Variants in MAMLD1 observed in about 807,000 individuals in gnomAD.
The protein encoded by MAMLD1 is mastermind-like domain-containing protein 1.
In MAMLD1, 14 loss-of-function variants were observed where a neutral mutation model predicts 45.0. The ratio of observed to expected loss-of-function variants is 0.31; its 90% CI spans 0.21 to 0.49. The LOEUF is 0.49. Among genes scored for constraint, MAMLD1 ranks in the 20% least tolerant of loss-of-function variants. The pLI, the probability that MAMLD1 is intolerant of heterozygous loss-of-function variation, is 0.99. For missense variants in MAMLD1, 543 were observed against 603.6 expected (o/e 0.90, Z 1.05); for synonymous variants, 254 against 247.8 (o/e 1.02, Z -0.24).
chrX:150,454,773 C>T (rs182133135), intron 2 of MAMLD1, among the ~76,000 whole-genome samples: 1 of 110,524 alleles, frequency 9.0e-6, no homozygotes, highest in Admixed American at 9.6e-5. Context: ...CACCACTACC[C>T]TCACCTTCAC....
chrX:150,448,900 A>T (rs1416835844), intron 2 of MAMLD1, among the ~76,000 whole-genome samples: 1 of 111,799 alleles, frequency 8.9e-6, no homozygotes, highest in Non-Finnish European at 1.9e-5. Context: ...AGTGGCAAAG[A>T]TTCCTCCAGC....
At chrX:150,478,829 T>C (rs2036662515) in intron 5 of MAMLD1, among the ~76,000 whole-genome samples, 1 of 112,827 alleles carries the variant, frequency 8.9e-6, no homozygotes, top group Non-Finnish European at 1.9e-5. Flanking sequence ...TACCATTCTT[T>C]CTAAATTAAG....
At chrX:150,498,387 G>A (rs1471698921) in intron 5 of MAMLD1, among the ~76,000 whole-genome samples, 1 of 111,418 alleles carries the variant, frequency 9.0e-6, no homozygotes, top group Non-Finnish European at 1.9e-5. Context: ...TTTTGCAGAT[G>A]AGAAAATTAA....
At chrX:150,496,285 C>T (rs1175840357) in intron 5 of MAMLD1, among the ~76,000 whole-genome samples, 5 of 112,297 alleles carry the variant, frequency 4.5e-5, no homozygotes, top group East Asian at 2.8e-4. Flanking sequence ...GTAGTATTTG[C>T]GGTTAAGAGC....
intron 1 of MAMLD1, among the ~76,000 whole-genome samples, chrX:150,367,805 C>CGGTGTTT (rs1430648986): frequency 9.2e-6 from 1 of 108,415 alleles, no homozygotes; most frequent in Non-Finnish European, 1.9e-5. Flanking sequence ...TGAGAACATG[C>CGGTGTTT]GGTGTTTGGT....
intron 1 of MAMLD1, among the ~76,000 whole-genome samples, chrX:150,435,205 T>C (rs2035081275): frequency 8.9e-6 from 1 of 111,764 alleles, no homozygotes; most frequent in African/African-American, 3.3e-5. Context: ...TTAAAGTCTG[T>C]TTTGTCTGAA....
chrX:150,487,569 T>C (rs1402683627), intron 5 of MAMLD1, among the ~76,000 whole-genome samples: 6 of 111,898 alleles, frequency 5.4e-5, no homozygotes, highest in Admixed American at 9.5e-5. Flanking sequence ...CGGGTATTCA[T>C]TGGGTCTTAG....
chrX:150,452,294 G>A (rs189166326), intron 2 of MAMLD1, among the ~76,000 whole-genome samples: 16 of 112,254 alleles, frequency 1.4e-4, no homozygotes, highest in African/African-American at 5.2e-4. Context: ...GATGCCAGCT[G>A]AGCCCTGTCA....
chrX:150,443,228 CTT>C (rs56969373), intron 1 of MAMLD1, among the ~76,000 whole-genome samples: 1,660 of 83,802 alleles, frequency 0.02, 44 homozygotes, highest in African/African-American at 0.07. Flanking sequence ...TCTTTGAATA[CTT>C]TTTTTTTTTT....
At position 150,469,727 on chromosome X, in the gene MAMLD1, C is replaced by A; in HGVS notation, c.172-18C>A. ...CTCCTCTCCTCTCTTCTCCTCTTCT[C>A]TTCTCTTCCATTCACAGGGAACTGT... On this transcript the variant is annotated intron_variant, in intron 3 of 7. Coordinates refer to ENST00000370401, the MANE Select transcript of MAMLD1 (RefSeq NM_005491.5). 8.4e-7 allele frequency: 1 copy of A among 1,195,696 alleles called. No homozygotes were observed. The highest frequency in any genetic ancestry group is 1.8e-5 in the South Asian group (1 of 56,528).
intron 2 of MAMLD1, 144 bp downstream of exon 2, chrX:150,445,756 A>C: frequency 2.0e-6 from 1 of 491,716 alleles, no homozygotes; most frequent in Non-Finnish European, 3.5e-6. Context: ...TGTGATCTAG[A>C]AGAGATCTAG....
chrX:150,470,045 C>T lies in MAMLD1; in HGVS notation c.472C>T (p.Pro158Ser). ...GACTACAGAAGTGGGACTGAAAGGG[C>T]CCACTGTTCCTTACTATGAGAAAAT... ...PQTTEVGLKG[P>S]TVPYYEKINS... is the part of the protein sequence containing the mutation. The change falls in exon 4 of 8, where the codon CCC becomes TCC. Residue 158 changes from proline (P) to serine (S), a missense_variant. By Grantham distance (74) the Pro-to-Ser change is moderately conservative. Coordinates refer to ENST00000370401, the MANE Select transcript of MAMLD1 (RefSeq NM_005491.5). 4.1e-6 allele frequency: 5 copies of T among 1,211,706 alleles called. No homozygotes were observed. Among genetic ancestry groups the T allele is most frequent in the Non-Finnish European group, 5.6e-6 (5 of 895,411 alleles).
intron 4 of MAMLD1, among the ~76,000 whole-genome samples, chrX:150,472,524 AGGCCTC>A (rs1291324562): frequency 8.9e-6 from 1 of 112,152 alleles, no homozygotes; most frequent in African/African-American, 3.2e-5. Context: ...TGTTGGACTG[AGGCCTC>A]GGTTTCTCAT....
intron 5 of MAMLD1, among the ~76,000 whole-genome samples, chrX:150,493,471 C>T (rs1219170748): frequency 8.9e-6 from 1 of 112,024 alleles, no homozygotes; most frequent in Non-Finnish European, 1.9e-5. Flanking sequence ...GGAATCCACA[C>T]CATACATACG....
rs965121945 is a variant in MAMLD1 at position 150,473,095 on chromosome X, C to T, written c.1918-585C>T. Reference sequence around the variant, plus strand: ...CCAGCCTCCTGGGCCCTTCAGCATCCATCAGGCCCTGCCTTGCACTTTGTT... The same window carrying T: ...CCAGCCTCCTGGGCCCTTCAGCATCTATCAGGCCCTGCCTTGCACTTTGTT... On this transcript the variant is annotated intron_variant, in intron 4 of 7. Transcript: ENST00000370401. Among the ~76,000 whole-genome samples, 16 of 112,753 alleles carry T rather than the reference C, an allele frequency of 1.4e-4. No homozygotes were observed. The Admixed American group carries it at 1.5e-3, about 11-fold the overall frequency.
At chrX:150,508,846 G>A (rs2037816315) in intron 6 of MAMLD1, among the ~76,000 whole-genome samples, 1 of 112,170 alleles carries the variant, frequency 8.9e-6, no homozygotes, top group Non-Finnish European at 1.9e-5. Context: ...TGGTTGAGAA[G>A]GGGAGAGAGA....
In MAMLD1 at chrX:150,377,819, T is replaced by TCACACACACACA. The variant is rs3066915; in HGVS notation, c.-64+14316_-64+14327dup. ...ATTCTATGTTATATCTACCACCCCC[T>TCACACACACACA]CACACACACACACACACACACACAC... On this transcript the variant is annotated intron_variant, in intron 1 of 7. Coordinates refer to ENST00000370401, the MANE Select transcript of MAMLD1 (RefSeq NM_005491.5). 6.2e-3 allele frequency among the ~76,000 whole-genome samples: 570 copies of TCACACACACACA among 91,828 alleles called. 5 individuals carry two copies. Among genetic ancestry groups the TCACACACACACA allele is most frequent in the African/African-American group, 0.021 (515 of 25,081 alleles). 79.7% of individuals were successfully genotyped at this position (91,828 alleles called of 115,157 possible).
At chrX:150,387,123 A>G (rs1025857044) in intron 1 of MAMLD1, among the ~76,000 whole-genome samples, 1 of 111,593 alleles carries the variant, frequency 9.0e-6, no homozygotes, top group African/African-American at 3.2e-5. Context: ...TTCAACTTGT[A>G]CCTGTGTTTA....
rs188634483 is a variant in MAMLD1 at position 150,513,347 on chromosome X, A to T, written c.*1388A>T. 1.0e-3 allele frequency: 387 copies of T among 371,597 alleles called. 5 individuals are homozygous for T. The East Asian group carries it at 0.014, about 14-fold the overall frequency. 30.6% of individuals were successfully genotyped at this position (371,597 alleles called of 1,213,427 possible). A position where few individuals can be genotyped will look rare whatever the true frequency, so the allele number is the denominator to read the frequency against. On this transcript the variant is annotated 3_prime_UTR_variant, in exon 8 of 8. Transcript: ENST00000370401. ...TAAATAAAGCGACGGCTTTTGTTTC[A>T]GTAGAGTTGTGTTTACTATGCATTG... is the stretch of plus-strand genomic sequence containing the variant.
Sources: allele counts gnomAD v4.1 joint callset (sites outside exome capture counted in the v4.1 genomes callset), GRCh38; gene constraint gnomAD v4.1.1; transcripts MANE v1.5; gene names NCBI Gene and HGNC (gene_info 2026-07-23, HGNC 2026-07-21).